Variants in SPTBN1 observed in about 807,000 individuals in gnomAD.
The protein encoded by SPTBN1 is spectrin beta chain, non-erythrocytic 1.
A neutral mutation model predicts 266.4 loss-of-function variants in SPTBN1; 32 were observed. That is an observed-to-expected ratio of 0.12 (90% CI 0.09 to 0.16). The LOEUF (loss-of-function observed/expected upper bound fraction) is 0.16, where lower values mean the gene tolerates loss of function less well. Among genes scored for constraint, SPTBN1 ranks in the 10% least tolerant of loss-of-function variants. SPTBN1 has a pLI of 1.00. For missense variants in SPTBN1, 2,296 were observed against 3,067.1 expected, an observed-to-expected ratio of 0.75 and a Z score of 5.94; for synonymous variants, 1,336 against 1,162.2, an observed-to-expected ratio of 1.15 and a Z score of -3.04.
intron 1 of SPTBN1, among the ~76,000 whole-genome samples, chr2:54,509,301 C>T (rs534641861): frequency 1.2e-4 from 18 of 152,214 alleles, no homozygotes; most frequent in East Asian, 5.8e-4. Flanking sequence ...GATTGAAGTC[C>T]GGGCCAGGAA....
chr2:54,519,824 A>AT (rs771431328), intron 1 of SPTBN1, among the ~76,000 whole-genome samples: 151 of 152,126 alleles, frequency 9.9e-4, no homozygotes, highest in Admixed American at 1.6e-3. Flanking sequence ...AACTCATGAG[A>AT]TTTTCAGGAG....
At chr2:54,657,680 T>G (rs60427184) in intron 29 of SPTBN1, among the ~76,000 whole-genome samples, 170 bp from the exon 30 acceptor site, 5 of 152,232 alleles carry the variant, frequency 3.3e-5, no homozygotes, top group African/African-American at 1.2e-4. Context: ...AAGTCAAAGT[T>G]GCAAGTGTGG....
At chr2:54,556,433 A>AC (rs1672881038) in intron 2 of SPTBN1, among the ~76,000 whole-genome samples, 1 of 152,086 alleles carries the variant, frequency 6.6e-6, no homozygotes, top group South Asian at 2.1e-4. Context: ...TCATGTACTA[A>AC]CCCATACTAG....
chr2:54,487,712 A>T (rs1668473316), intron 1 of SPTBN1, among the ~76,000 whole-genome samples: 2 of 151,340 alleles, frequency 1.3e-5, no homozygotes, highest in South Asian at 4.2e-4. Flanking sequence ...GTCATGTATC[A>T]TTAGGATGTC....
In SPTBN1 at chr2:54,465,637, C is replaced by CATATATATATATATATATATATATA. The variant is rs1433073794; in HGVS notation, c.-48+9119_-48+9120insATATATATATATATATATATATATA. Among the ~76,000 whole-genome samples, 99 of 89,696 alleles carry CATATATATATATATATATATATATA rather than the reference C, an allele frequency of 1.1e-3. 2 individuals carry two copies. Among genetic ancestry groups the CATATATATATATATATATATATATA allele is most frequent in the Admixed American group, 1.8e-3 (13 of 7,210 alleles). 58.8% of individuals were successfully genotyped at this position (89,696 alleles called of 152,430 possible). On this transcript the variant is annotated intron_variant, in intron 1 of 35. Coordinates refer to ENST00000356805, the MANE Select transcript of SPTBN1 (RefSeq NM_003128.3). ...TATGATGCATACATATCATGTTTAT[C>CATATATATATATATATATATATATA]TCATATATATATATATATATATATA...
At chr2:54,597,898 G>A (rs1047796371) in intron 2 of SPTBN1, among the ~76,000 whole-genome samples, 13 of 106,038 alleles carry the variant, frequency 1.2e-4, no homozygotes, top group African/African-American at 4.3e-4. Context: ...TTGTAGATTC[G>A]TGTGTAATTA....
intron 1 of SPTBN1, among the ~76,000 whole-genome samples, chr2:54,512,524 T>G (rs1264864519): frequency 6.6e-6 from 1 of 152,340 alleles, no homozygotes; most frequent in East Asian, 1.9e-4. Context: ...CAAAGAGAAA[T>G]GATCTTAAAA....
intron 18 of SPTBN1, among the ~76,000 whole-genome samples, chr2:54,640,391 G>A (rs143079253): frequency 4.6e-5 from 7 of 151,848 alleles, no homozygotes; most frequent in South Asian, 2.1e-4. Flanking sequence ...TGTAAGATCC[G>A]CCCCTGTTAC....
chr2:54,631,795 G>C (rs1354894380), intron 16 of SPTBN1, among the ~76,000 whole-genome samples, 184 bp downstream of exon 16: 1 of 152,168 alleles, frequency 6.6e-6, no homozygotes, highest in Non-Finnish European at 1.5e-5. Context: ...TAGGGGACAG[G>C]AATTGAAAGT....
At chr2:54,538,479 T>TA (rs1671747055) in intron 2 of SPTBN1, among the ~76,000 whole-genome samples, 1 of 152,284 alleles carries the variant, frequency 6.6e-6, no homozygotes, top group Non-Finnish European at 1.5e-5. Context: ...ACAATGTGTA[T>TA]AAAACAAGCA....
At chr2:54,542,068 G>T (rs1246461684) in intron 2 of SPTBN1, among the ~76,000 whole-genome samples, 1 of 152,160 alleles carries the variant, frequency 6.6e-6, no homozygotes, top group Non-Finnish European at 1.5e-5. Context: ...TAGAATGAGT[G>T]CTTATTGATT....
At position 54,558,298 on chromosome 2, in the gene SPTBN1, G is replaced by A. The variant is rs1243029530; in HGVS notation, c.148+31732G>A. 1.0e-6 allele frequency: 1 copy of A among 986,148 alleles called. No homozygotes were observed. Among genetic ancestry groups the A allele is most frequent in the African/African-American group, 1.7e-5 (1 of 57,228 alleles). The allele number at this position is 986,148 out of a possible 1,614,324, so 61.1% of individuals were successfully genotyped here. On this transcript the variant is annotated intron_variant, in intron 2 of 35. Transcript: ENST00000356805. This position sits in a 1 kb window ranked among gnomAD's most constrained non-coding sequence, Gnocchi z 4.6. The stretch of plus-strand genomic sequence containing the variant: ...GTATAGCCTGCATTTCTAATACAAT[G>A]CTGTTATGCTAATCAGGTGACATCA...
At chr2:54,617,364 A>T (rs1677675114) in intron 5 of SPTBN1, among the ~76,000 whole-genome samples, 1 of 152,232 alleles carries the variant, frequency 6.6e-6, no homozygotes. Flanking sequence ...TCTACGACAC[A>T]GTTCACATCT....
chr2:54,486,452 G>T (rs971267472), intron 1 of SPTBN1, among the ~76,000 whole-genome samples: 1 of 152,158 alleles, frequency 6.6e-6, no homozygotes, highest in Admixed American at 6.5e-5. Flanking sequence ...ACCATGTGCT[G>T]TGTCCACTCA....
chr2:54,632,911 A>G (rs138716885), intron 17 of SPTBN1, 143 bp downstream of exon 17: 176 of 856,334 alleles, frequency 2.1e-4, no homozygotes, highest in Middle Eastern at 1.1e-3. Flanking sequence ...TCATCTACCC[A>G]TACAGAAAAT....
chr2:54,492,672 A>C (rs548428861), intron 1 of SPTBN1, among the ~76,000 whole-genome samples: 1 of 152,336 alleles, frequency 6.6e-6, no homozygotes, highest in South Asian at 2.1e-4. Context: ...AGCAGTCTTC[A>C]TGCTGAGGAC....
In SPTBN1 at chr2:54,659,940, A is replaced by G. The variant is rs746088891; in HGVS notation, c.6361A>G (p.Thr2121Ala). The change falls in exon 32 of 36, where the codon ACT becomes GCT. Residue 2121 changes from threonine to alanine, a missense_variant. By Grantham distance (58) the Thr-to-Ala change is moderately conservative. This residue lies in a region of SPTBN1 where 347 missense variants were observed against 368.5 expected (regional missense o/e 0.94). Transcript: ENST00000356805. The stretch of plus-strand genomic sequence containing the variant: ...TTTTCCCCTCTTCCCTAACAGGGAT[A>G]CTTCAAAAGGAGAACAAGTTTCCCA... Reference protein sequence around the residue: ...EEAESQQQWDTSKGEQVSQNG... With the variant: ...EEAESQQQWDASKGEQVSQNG... 3 of 1,613,928 alleles carry G rather than the reference A, an allele frequency of 1.9e-6. No individual in the cohort carries two copies. The highest frequency in any genetic ancestry group is 2.5e-6 in the Non-Finnish European group (3 of 1,179,918).
intron 2 of SPTBN1, among the ~76,000 whole-genome samples, chr2:54,532,854 G>T (rs572004207): frequency 1.3e-5 from 2 of 152,202 alleles, no homozygotes; most frequent in East Asian, 3.9e-4. Flanking sequence ...CAAGAAAAAT[G>T]CATTTCTGCT....
Position 54,655,907 on chromosome 2 carries a change from C to T in SPTBN1, c.5962-7C>T, listed in dbSNP as rs1235956526. The T allele has an allele frequency of 1.9e-6, 3 of 1,610,656 alleles. No homozygotes were observed. Among genetic ancestry groups the T allele is most frequent in the South Asian group, 2.2e-5 (2 of 90,782 alleles). On this transcript the variant is annotated splice_region_variant and splice_polypyrimidine_tract_variant and intron_variant, in intron 28 of 35. Transcript: ENST00000356805. ...AAGATGTCCCGGGGATCCTCTTTTT[C>T]ATACAGATCAAGGAAAAATTACTGC... is the stretch of plus-strand genomic sequence containing the variant.
Sources: allele counts gnomAD v4.1 joint callset (sites outside exome capture counted in the v4.1 genomes callset), GRCh38; gene constraint gnomAD v4.1.1; regional missense constraint gnomAD v4.1.1; non-coding constraint Gnocchi (gnomAD v3.1); transcripts MANE v1.5; gene names NCBI Gene and HGNC (gene_info 2026-07-23, HGNC 2026-07-21).